Variants in ATE1 observed in about 807,000 individuals in gnomAD.
ATE1 encodes arginyl-tRNA--protein transferase 1.
In ATE1, 36 loss-of-function variants were observed where a neutral mutation model predicts 70.5. The ratio of observed to expected loss-of-function variants is 0.51; its 90% CI spans 0.39 to 0.67. The LOEUF (loss-of-function observed/expected upper bound fraction) is 0.67, where lower values mean the gene tolerates loss of function less well. Ranked by LOEUF, ATE1 falls within the 30% of genes least tolerant of loss-of-function variation. ATE1 has a pLI of 0.00. For missense variants in ATE1, 593 were observed against 629.5 expected (o/e 0.94, Z 0.62); for synonymous variants, 232 against 219.3 (o/e 1.06, Z -0.51).
chr10:121,864,670 T>A (rs117763885), intron 8 of ATE1, among the ~76,000 whole-genome samples: 2,312 of 152,364 alleles, frequency 0.015, 19 homozygotes, highest in Non-Finnish European at 0.023. Flanking sequence ...TGTTTTTTGT[T>A]CACTTTTTCT....
At chr10:121,826,473 C>T (rs1252714781) in intron 10 of ATE1, among the ~76,000 whole-genome samples, 3 of 152,010 alleles carry the variant, frequency 2.0e-5, no homozygotes, top group Non-Finnish European at 2.9e-5. Flanking sequence ...ATCCACTAAA[C>T]GTTTTTGCAT....
At chr10:121,746,906 T>C (rs543932867) in intron 11 of ATE1, among the ~76,000 whole-genome samples, 1 of 152,350 alleles carries the variant, frequency 6.6e-6, no homozygotes, top group Admixed American at 6.5e-5. Flanking sequence ...GTTCCTACTA[T>C]ATGAATTTAT....
Position 121,740,737 on chromosome 10 carries a change from G to A in ATE1, c.*2943C>T, listed in dbSNP as rs113542253. On this transcript the variant is annotated 3_prime_UTR_variant, in exon 12 of 12. Coordinates refer to ENST00000224652, the MANE Select transcript of ATE1 (RefSeq NM_001001976.3). Reference sequence around the variant, plus strand: ...CATATACTGTTCAGAAATCTGGAAAGGTTCTTTTACATAATAGATTCTGAC... The same window carrying A: ...CATATACTGTTCAGAAATCTGGAAAAGTTCTTTTACATAATAGATTCTGAC... 10 of 152,198 alleles carry A rather than the reference G, an allele frequency of 6.6e-5. No homozygotes were observed. The highest frequency in any genetic ancestry group is 2.2e-4 in the African/African-American group (9 of 41,522). 9.4% of individuals were successfully genotyped at this position (152,198 alleles called of 1,614,324 possible).
intron 3 of ATE1, among the ~76,000 whole-genome samples, chr10:121,919,222 G>GT (rs1951781358): frequency 6.6e-6 from 1 of 152,152 alleles, no homozygotes; most frequent in Admixed American, 6.5e-5. Flanking sequence ...TTTAAGAGCT[G>GT]TAACACTCAC....
chr10:121,917,202 G>A (rs932133173), intron 3 of ATE1, among the ~76,000 whole-genome samples: 2 of 152,026 alleles, frequency 1.3e-5, no homozygotes, highest in Non-Finnish European at 2.9e-5. Context: ...GATGCTTCAG[G>A]TGCAGGGGGT....
At chr10:121,882,040 G>A (rs1950242462) in intron 7 of ATE1, among the ~76,000 whole-genome samples, 1 of 152,054 alleles carries the variant, frequency 6.6e-6, no homozygotes, top group Non-Finnish European at 1.5e-5. Context: ...AGGCAATCCA[G>A]CCACCTCGGC....
chr10:121,892,803 T>C lies in ATE1; in HGVS notation c.942+7063A>G, dbSNP rs183888676. 2.7e-3 allele frequency among the ~76,000 whole-genome samples: 406 copies of C among 152,188 alleles called. 3 individuals are homozygous for C. Among genetic ancestry groups the C allele is most frequent in the African/African-American group, 9.5e-3 (393 of 41,550 alleles). On this transcript the variant is annotated intron_variant, in intron 7 of 11. Transcript: ENST00000224652. ...GTGATCGGATTACTGGCATGAGCCATGGCGCCCAGCCTCAGTGGTAAACAT... is the reference window on the plus strand; with the variant it reads ...GTGATCGGATTACTGGCATGAGCCACGGCGCCCAGCCTCAGTGGTAAACAT...
intron 3 of ATE1, among the ~76,000 whole-genome samples, chr10:121,915,905 A>G (rs1951633818): frequency 6.8e-6 from 1 of 146,594 alleles, no homozygotes; most frequent in South Asian, 2.2e-4. Context: ...AAAAAACAAA[A>G]CAAAACAAAA....
intron 8 of ATE1, among the ~76,000 whole-genome samples, chr10:121,848,119 G>A (rs7907879): frequency 0.057 from 8,653 of 152,124 alleles, 762 homozygotes; most frequent in African/African-American, 0.19. Context: ...GCGGTGACAT[G>A]GAAACTGAGA....
Position 121,841,143 on chromosome 10 carries a change from C to T in ATE1, c.1096G>A (p.Val366Met). The change falls in exon 9 of 12, where the codon GTG (valine) becomes ATG (methionine). Residue 366 changes from valine to methionine, a missense_variant. This residue lies in a region of ATE1 where 467 missense variants were observed against 469.6 expected (regional missense o/e 0.99). Transcript: ENST00000224652. ...TAATCAGGATCGTAGTACAAATACA[C>T]AGATGATACACAGTTTGGGAGGATG... is the stretch of plus-strand genomic sequence containing the variant. ...IDILPNCVSS[V>M]YLYYDPDYSF... is the part of the protein sequence containing the mutation. 6.3e-7 allele frequency: 1 copy of T among 1,593,324 alleles called. No homozygotes were observed. Among genetic ancestry groups the T allele is most frequent in the Non-Finnish European group, 8.6e-7 (1 of 1,167,106 alleles).
At chr10:121,811,655 C>A (rs1947323228) in intron 10 of ATE1, among the ~76,000 whole-genome samples, 1 of 152,156 alleles carries the variant, frequency 6.6e-6, no homozygotes, top group African/African-American at 2.4e-5. Context: ...CTTACCAGAT[C>A]CTCATGCAAG....
rs745788219 is a variant in ATE1 at position 121,790,190 on chromosome 10, A to C, written c.1357T>G (p.Phe453Val). ...ATACCTGCTTCTGGGTCCTGGTTGA[A>C]ACGGCAGTACTTGGAGTTTTCAAGT... ...PSLENSKYCR[F>V]NQDPEAVDED... The change falls in exon 11 of 12, where the codon TTC (phenylalanine) becomes GTC (valine). Residue 453 changes from phenylalanine (F) to valine (V), a missense_variant. Phe to Val is a conservative substitution (Grantham distance 50). This residue lies in a region of ATE1 where 90 missense variants were observed against 93.7 expected (regional missense o/e 0.96). Transcript: ENST00000224652. The C allele has an allele frequency of 6.2e-7, 1 of 1,614,028 alleles. No individual in the cohort carries two copies.
intron 10 of ATE1, among the ~76,000 whole-genome samples, chr10:121,818,271 A>AAG (rs1446134625): frequency 6.6e-6 from 1 of 151,378 alleles, no homozygotes; most frequent in African/African-American, 2.4e-5. Context: ...AAAAAAAAAA[A>AAG]AAAAAAAAAA....
chr10:121,789,346 T>C (rs1946342018), intron 11 of ATE1, among the ~76,000 whole-genome samples: 1 of 120,204 alleles, frequency 8.3e-6, no homozygotes, highest in Non-Finnish European at 1.6e-5. Context: ...TCGCCCAGGC[T>C]GAAGTGCAAT....
intron 4 of ATE1, among the ~76,000 whole-genome samples, chr10:121,912,058 T>C (rs992846957): frequency 6.6e-6 from 1 of 151,714 alleles, no homozygotes; most frequent in Non-Finnish European, 1.5e-5. Context: ...GCCCGGCTAA[T>C]TTTTTGTAAT....
At chr10:121,857,604 T>C (rs1353107166) in intron 8 of ATE1, among the ~76,000 whole-genome samples, 1 of 152,206 alleles carries the variant, frequency 6.6e-6, no homozygotes, top group African/African-American at 2.4e-5. Context: ...ATTGGGCATA[T>C]ACCTAAAGGA....
intron 8 of ATE1, among the ~76,000 whole-genome samples, chr10:121,856,833 C>T (rs548656133): frequency 3.0e-4 from 46 of 152,180 alleles, no homozygotes; most frequent in African/African-American, 9.4e-4. Flanking sequence ...AGAAGTGCAA[C>T]GAAGCGTAAC....
intron 8 of ATE1, among the ~76,000 whole-genome samples, chr10:121,855,225 A>G (rs1466808942): frequency 6.6e-6 from 1 of 152,026 alleles, no homozygotes; most frequent in Non-Finnish European, 1.5e-5. Context: ...CTGTGTCCAC[A>G]CTCCTTAATT....
At chr10:121,817,743 G>A (rs573615926) in intron 10 of ATE1, among the ~76,000 whole-genome samples, 1 of 152,066 alleles carries the variant, frequency 6.6e-6, no homozygotes, top group South Asian at 2.1e-4. Context: ...GTAAAGGAAA[G>A]ATAAGAAGAG....
Sources: allele counts gnomAD v4.1 joint callset (sites outside exome capture counted in the v4.1 genomes callset), GRCh38; gene constraint gnomAD v4.1.1; regional missense constraint gnomAD v4.1.1; transcripts MANE v1.5; gene names NCBI Gene and HGNC (gene_info 2026-07-23, HGNC 2026-07-21).